Variants in MEMO1 observed in about 807,000 individuals in gnomAD.
The protein encoded by MEMO1 is protein MEMO1.
MEMO1 carries 6 observed loss-of-function variants against 45.2 expected under a neutral mutation model. The ratio of observed to expected loss-of-function variants is 0.13; its 90% confidence interval spans 0.07 to 0.26. The LOEUF (loss-of-function observed/expected upper bound fraction) is 0.26. Among genes scored for constraint, MEMO1 ranks in the 10% least tolerant of loss-of-function variants. The probability of loss-of-function intolerance (pLI) is 1.00; values close to 1 mark genes in which losing one functional copy is unlikely to be tolerated. For missense variants in MEMO1, 184 were observed against 370.5 expected, an observed-to-expected ratio of 0.50 and a Z score of 4.13; for synonymous variants, 78 against 124.3, an observed-to-expected ratio of 0.63 and a Z score of 2.48.
At chr2:31,977,858 CAAAAT>C (rs1489190148) in intron 2 of MEMO1, among the ~76,000 whole-genome samples, 1 of 152,106 alleles carries the variant, frequency 6.6e-6, no homozygotes, top group African/African-American at 2.4e-5. Flanking sequence ...TGAAACTTCA[CAAAAT>C]AAAATATGTA....
chr2:31,963,540 A>G (rs1668267560), intron 2 of MEMO1, among the ~76,000 whole-genome samples: 1 of 152,232 alleles, frequency 6.6e-6, no homozygotes, highest in African/African-American at 2.4e-5. Flanking sequence ...CTTTTTCTAT[A>G]TGAACTGTGT....
In MEMO1 at chr2:32,009,181, G is replaced by C. The variant is rs138805243; in HGVS notation, c.61+1006C>G. Among the ~76,000 whole-genome samples the C allele has an allele frequency of 9.6e-3, 1,459 of 152,340 alleles. 24 individuals are homozygous for C. The highest frequency in any genetic ancestry group is 0.045 in the South Asian group (216 of 4,832). ...AAGAAGTCTAAAATGCTTTTAGACA[G>C]TGGAGACAGAAAACTCAACTCGCTC... On this transcript the variant is annotated intron_variant, in intron 2 of 9. Coordinates refer to ENST00000404530, the MANE Select transcript of MEMO1 (RefSeq NM_001301833.4).
At chr2:31,940,339 T>C (rs1665461440) in intron 3 of MEMO1, among the ~76,000 whole-genome samples, 1 of 152,164 alleles carries the variant, frequency 6.6e-6, no homozygotes, top group Non-Finnish European at 1.5e-5. Context: ...CAGCTGCCCA[T>C]TCTAAATCTC....
chr2:31,935,690 T>C (rs763846718), intron 3 of MEMO1, among the ~76,000 whole-genome samples: 1 of 152,162 alleles, frequency 6.6e-6, no homozygotes, highest in Non-Finnish European at 1.5e-5. Context: ...AACATGGTAA[T>C]GAAGAAAATC....
chr2:31,942,293 T>C (rs1194940096), intron 3 of MEMO1, among the ~76,000 whole-genome samples: 2 of 152,218 alleles, frequency 1.3e-5, no homozygotes, highest in Non-Finnish European at 2.9e-5. Context: ...TGTTGCACCA[T>C]ACTATGCTTA....
chr2:31,925,808 T>C (rs1359670157), intron 4 of MEMO1, among the ~76,000 whole-genome samples: 2 of 152,116 alleles, frequency 1.3e-5, no homozygotes, highest in Non-Finnish European at 1.5e-5. Context: ...TCACACTAAG[T>C]TTAAAAGGGA....
intron 3 of MEMO1, among the ~76,000 whole-genome samples, chr2:31,933,369 A>G (rs1233594308): frequency 8.2e-6 from 1 of 121,494 alleles, no homozygotes; most frequent in South Asian, 3.0e-4. Context: ...ATATATATAT[A>G]TATATATATA....
intron 2 of MEMO1, among the ~76,000 whole-genome samples, chr2:32,004,956 A>G (rs2025455842): frequency 6.6e-6 from 1 of 151,876 alleles, no homozygotes; most frequent in African/African-American, 2.4e-5. Context: ...CCATTTGCAT[A>G]GACCATGATC....
At chr2:31,897,021 T>A (rs1430225429) in intron 6 of MEMO1, among the ~76,000 whole-genome samples, 1 of 152,186 alleles carries the variant, frequency 6.6e-6, no homozygotes, top group Non-Finnish European at 1.5e-5. Flanking sequence ...ATTTGGCTGT[T>A]TGTCTACTAT....
chr2:31,936,132 T>C (rs1450794097), intron 3 of MEMO1, among the ~76,000 whole-genome samples: 1 of 151,586 alleles, frequency 6.6e-6, no homozygotes. Flanking sequence ...CCTGGCTAAT[T>C]TTTCTATTTT....
chr2:31,893,473 T>G (rs1382110875), intron 6 of MEMO1, among the ~76,000 whole-genome samples: 1 of 152,178 alleles, frequency 6.6e-6, no homozygotes, highest in Non-Finnish European at 1.5e-5. Flanking sequence ...AAAGAATTAA[T>G]TATTCTAACC....
At chr2:31,970,365 T>C (rs1056052442) in intron 2 of MEMO1, among the ~76,000 whole-genome samples, 2 of 152,208 alleles carry the variant, frequency 1.3e-5, no homozygotes, top group Non-Finnish European at 2.9e-5. Flanking sequence ...AATCTTATTA[T>C]GGTATTAGAA....
intron 8 of MEMO1, among the ~76,000 whole-genome samples, chr2:31,875,789 C>T (rs908419581): frequency 2.6e-5 from 4 of 152,026 alleles, no homozygotes; most frequent in African/African-American, 7.2e-5. Flanking sequence ...CAGGTTTAAG[C>T]GATTCTCCTG....
chr2:31,992,327 C>T (rs1445123886), intron 2 of MEMO1, among the ~76,000 whole-genome samples: 2 of 152,184 alleles, frequency 1.3e-5, no homozygotes, highest in Admixed American at 1.3e-4. Flanking sequence ...GCAGAGTTGA[C>T]TAGCTGCAAA....
intron 6 of MEMO1, among the ~76,000 whole-genome samples, chr2:31,897,945 AG>A (rs1284777260): frequency 6.6e-6 from 1 of 151,808 alleles, no homozygotes. Context: ...TAGTCTTGGG[AG>A]GGTGTATGTG....
At chr2:31,947,676 G>A (rs1305341069) in intron 2 of MEMO1, among the ~76,000 whole-genome samples, 2 of 152,170 alleles carry the variant, frequency 1.3e-5, no homozygotes, top group Non-Finnish European at 2.9e-5. Context: ...GAATTAAGCT[G>A]AGGTATCTCC....
chr2:31,990,947 A>G (rs1381358280), intron 2 of MEMO1, among the ~76,000 whole-genome samples: 3 of 152,180 alleles, frequency 2.0e-5, no homozygotes, highest in East Asian at 1.9e-4. Flanking sequence ...TGAATGTGTC[A>G]TATCTTCCTC....
intron 2 of MEMO1, among the ~76,000 whole-genome samples, chr2:31,974,459 A>C (rs183575502): frequency 6.6e-6 from 1 of 152,168 alleles, no homozygotes; most frequent in Non-Finnish European, 1.5e-5. Flanking sequence ...AAATTAAAAC[A>C]TTTGCGGCCG....
intron 6 of MEMO1, among the ~76,000 whole-genome samples, chr2:31,897,128 C>A (rs921181741): frequency 1.3e-5 from 2 of 152,206 alleles, no homozygotes; most frequent in African/African-American, 2.4e-5. Context: ...TAGGCTGAGA[C>A]AATGGGATTT....
Sources: allele counts gnomAD v4.1 joint callset (sites outside exome capture counted in the v4.1 genomes callset), GRCh38; gene constraint gnomAD v4.1.1; transcripts MANE v1.5; gene names NCBI Gene and HGNC (gene_info 2026-07-23, HGNC 2026-07-21).